The following SLC35D4 variants were observed in gnomAD, a reference collection of about 807,000 sequenced individuals.
The protein encoded by SLC35D4 is UDP-N-acetylglucosamine transporter SLC35D4.
chr18:23,396,116 G>A, the SLC35D4 span, among the ~76,000 whole-genome samples: 1 of 152,160 alleles, frequency 6.6e-6, no homozygotes, highest in Admixed American at 6.5e-5. Flanking sequence ...ATTTGGTTGT[G>A]AGTCTGAGGT....
chr18:23,382,516 GAC>G, the SLC35D4 span, among the ~76,000 whole-genome samples: 2 of 151,694 alleles, frequency 1.3e-5, no homozygotes, highest in African/African-American at 4.8e-5. Flanking sequence ...CTGATCCTAA[GAC>G]ACCAATGATT....
chr18:23,410,553 C>A, the SLC35D4 span, among the ~76,000 whole-genome samples: 1 of 151,950 alleles, frequency 6.6e-6, no homozygotes, highest in African/African-American at 2.4e-5. Context: ...GCCTGTAATC[C>A]CAGCACTTTG....
At chr18:23,348,558 A>T in the SLC35D4 span, among the ~76,000 whole-genome samples, 2 of 152,330 alleles carry the variant, frequency 1.3e-5, no homozygotes, top group African/African-American at 4.8e-5. Flanking sequence ...TTCCTAATGC[A>T]TTAACACTTT....
chr18:23,427,829 C>T, the SLC35D4 span, among the ~76,000 whole-genome samples: 1 of 152,160 alleles, frequency 6.6e-6, no homozygotes, highest in African/African-American at 2.4e-5. Flanking sequence ...CCATGGAATA[C>T]TATGCAGCCA....
chr18:23,378,986 A>C, the SLC35D4 span, among the ~76,000 whole-genome samples: 1 of 152,256 alleles, frequency 6.6e-6, no homozygotes, highest in African/African-American at 2.4e-5. Context: ...TCTGCAGAGC[A>C]CAGGACGCGA....
chr18:23,252,049 G>A, the SLC35D4 span, among the ~76,000 whole-genome samples: 2 of 150,222 alleles, frequency 1.3e-5, no homozygotes, highest in Non-Finnish European at 1.5e-5. Flanking sequence ...TTGCACCGCT[G>A]CACTCCAGCC....
chr18:23,243,131 AT>A, the SLC35D4 span, among the ~76,000 whole-genome samples: 2 of 151,850 alleles, frequency 1.3e-5, no homozygotes, highest in Non-Finnish European at 2.9e-5. Flanking sequence ...TACCTGGATG[AT>A]TTAGGCACTT....
At chr18:23,322,106 C>T in the SLC35D4 span, among the ~76,000 whole-genome samples, 2 of 152,186 alleles carry the variant, frequency 1.3e-5, no homozygotes, top group African/African-American at 4.8e-5. Flanking sequence ...TCTGATTGTA[C>T]ATTTATTTTA....
At chr18:23,293,762 G>C in the SLC35D4 span, among the ~76,000 whole-genome samples, 3 of 152,192 alleles carry the variant, frequency 2.0e-5, no homozygotes, top group Admixed American at 2.0e-4. Flanking sequence ...AGAAAGAAGG[G>C]CAAAGGAAAG....
At chr18:23,375,482 A>C in the SLC35D4 span, among the ~76,000 whole-genome samples, 1 of 152,216 alleles carries the variant, frequency 6.6e-6, no homozygotes, top group South Asian at 2.1e-4. Flanking sequence ...AATGTTACCA[A>C]TGGGTGAATC....
At chr18:23,355,241 G>A in the SLC35D4 span, among the ~76,000 whole-genome samples, 1 of 152,182 alleles carries the variant, frequency 6.6e-6, no homozygotes, top group Non-Finnish European at 1.5e-5. Flanking sequence ...GTTGCATTAT[G>A]AGAAAGTTGC....
the SLC35D4 span, chr18:23,421,289 A>G: frequency 2.5e-6 from 3 of 1,211,936 alleles, no homozygotes; most frequent in African/African-American, 4.6e-5. Flanking sequence ...CTTCCAGTGT[A>G]ACACCATATG....
At chr18:23,328,074 A>C in the SLC35D4 span, among the ~76,000 whole-genome samples, 4 of 152,242 alleles carry the variant, frequency 2.6e-5, no homozygotes, top group Admixed American at 2.6e-4. Flanking sequence ...AGAGCTATTT[A>C]TGACAAACCT....
the SLC35D4 span, among the ~76,000 whole-genome samples, chr18:23,298,301 G>A: frequency 2.0e-5 from 3 of 152,186 alleles, no homozygotes; most frequent in Non-Finnish European, 4.4e-5. Flanking sequence ...ACCTTCCCTT[G>A]GGGAAGAAGG....
At chr18:23,334,296 C>A in the SLC35D4 span, among the ~76,000 whole-genome samples, 1 of 152,084 alleles carries the variant, frequency 6.6e-6, no homozygotes, top group African/African-American at 2.4e-5. Flanking sequence ...ACAGATGCAA[C>A]CCTGGGCCTG....
chr18:23,292,251 C>T, the SLC35D4 span, among the ~76,000 whole-genome samples: 6 of 152,178 alleles, frequency 3.9e-5, no homozygotes, highest in African/African-American at 7.2e-5. Flanking sequence ...CTTCAATCTT[C>T]GAGCTCCTCA....
the SLC35D4 span, among the ~76,000 whole-genome samples, chr18:23,273,259 G>A: frequency 1.6e-4 from 24 of 152,206 alleles, no homozygotes; most frequent in African/African-American, 5.1e-4. Context: ...AGAATGAGCA[G>A]AATCAGAGGG....
the SLC35D4 span, chr18:23,331,377 G>C: frequency 6.6e-6 from 1 of 150,580 alleles, no homozygotes; most frequent in African/African-American, 2.4e-5. Context: ...CCTTTTCCCA[G>C]CAAGTGAAAC....
chr18:23,421,674 CTTTT>C, the SLC35D4 span, among the ~76,000 whole-genome samples: 7 of 136,414 alleles, frequency 5.1e-5, no homozygotes, highest in Non-Finnish European at 7.9e-5. Context: ...TTCTTCTCCT[CTTTT>C]TTTTTTTTTT....
Sources: allele counts gnomAD v4.1 joint callset (sites outside exome capture counted in the v4.1 genomes callset), GRCh38; gene constraint gnomAD v4.1.1; transcripts MANE v1.5; gene names NCBI Gene and HGNC (gene_info 2026-07-23, HGNC 2026-07-21).